The following PRKCZ variants were observed in gnomAD, a reference collection of about 807,000 sequenced individuals.
The protein encoded by PRKCZ is protein kinase C zeta type.
Under a neutral mutation model 79.5 loss-of-function variants are expected in PRKCZ, and 33 were observed. That is an observed-to-expected ratio of 0.41 (90% CI 0.31 to 0.55). The LOEUF (loss-of-function observed/expected upper bound fraction) is 0.55, where lower values mean the gene tolerates loss of function less well. PRKCZ is among the 20% of genes least tolerant of loss of function. PRKCZ has a pLI of 0.19. For synonymous variants in PRKCZ, 342 were observed against 320.9 expected, an observed-to-expected ratio of 1.07 and a Z score of -0.70; for missense variants, 578 against 813.5, an observed-to-expected ratio of 0.71 and a Z score of 3.52.
At chr1:2,053,716 G>A (rs1659902703) in intron 1 of PRKCZ, among the ~76,000 whole-genome samples, 1 of 152,194 alleles carries the variant, frequency 6.6e-6, no homozygotes, top group South Asian at 2.1e-4. Flanking sequence ...AGAGGTCAAA[G>A]GTGAAGTGAT....
chr1:2,050,602 A>G lies in PRKCZ; in HGVS notation c.-29A>G, dbSNP rs1050348938. 4 of 1,210,100 alleles carry G rather than the reference A, an allele frequency of 3.3e-6. No individual in the cohort carries two copies. Among genetic ancestry groups the G allele is most frequent in the Non-Finnish European group, 4.1e-6 (4 of 971,520 alleles). The allele number at this position is 1,210,100 out of a possible 1,614,324, so 75.0% of individuals were successfully genotyped here. ...GCCATGGCCGGAGCTCCCGGGGCGC[A>G]GCGCTGACGGCGGCGGGGGGAGCGC... On this transcript the variant is annotated 5_prime_UTR_variant, in exon 1 of 18. Transcript: ENST00000378567.
chr1:2,124,909 G>A (rs1013099092), intron 4 of PRKCZ, among the ~76,000 whole-genome samples: 59 of 152,150 alleles, frequency 3.9e-4, no homozygotes, highest in Admixed American at 3.7e-3. Context: ...TCGATTGTTC[G>A]TGGGAGGAGG....
At chr1:2,100,313 G>A (rs1667222799) in intron 4 of PRKCZ, among the ~76,000 whole-genome samples, 1 of 152,250 alleles carries the variant, frequency 6.6e-6, no homozygotes, top group African/African-American at 2.4e-5. Context: ...CTTGGAGGCA[G>A]CGTCTTCACC....
Position 2,050,641 on chromosome 1 carries a change from G to A in PRKCZ, c.11G>A (p.Arg4Lys), listed in dbSNP as rs1659551601. The A allele has an allele frequency of 1.6e-6, 2 of 1,226,554 alleles. No homozygotes were observed. Among genetic ancestry groups the A allele is most frequent in the African/African-American group, 3.1e-5 (2 of 64,114 alleles). 76.0% of individuals were successfully genotyped at this position (1,226,554 alleles called of 1,614,324 possible). A position where few individuals can be genotyped will look rare whatever the true frequency, so the allele number is the denominator to read the frequency against. Reference protein sequence around the residue: MPSRTGPKMEGSGG... With the variant: MPSKTGPKMEGSGG... ...CGGGGGGAGCGCGCCATGCCCAGCAGGACCGGCCCCAAGATGGAAGGGAGC... is the reference window on the plus strand; with the variant it reads ...CGGGGGGAGCGCGCCATGCCCAGCAAGACCGGCCCCAAGATGGAAGGGAGC... Residue 4 changes from arginine (R) to lysine (K), a missense_variant, in exon 1 of 18, where the codon AGG (arginine) becomes AAG (lysine). Coordinates refer to ENST00000378567, the MANE Select transcript of PRKCZ (RefSeq NM_002744.6).
Position 2,178,999 on chromosome 1 carries a change from A to G in PRKCZ, c.1575+3686A>G, listed in dbSNP as rs769848797. On this transcript the variant is annotated intron_variant, in intron 16 of 17. Coordinates refer to ENST00000378567, the MANE Select transcript of PRKCZ (RefSeq NM_002744.6). This position sits in a 1 kb window ranked among gnomAD's most constrained non-coding sequence, Gnocchi z 4.3. ...AGGCAGTCGCCGCCACTGGGGTGTGACTCTGGGGCCCGGCACCGGGTCCCC... is the reference window on the plus strand; with the variant it reads ...AGGCAGTCGCCGCCACTGGGGTGTGGCTCTGGGGCCCGGCACCGGGTCCCC... Among the ~76,000 whole-genome samples the G allele has an allele frequency of 3.9e-5, 6 of 151,986 alleles. No homozygotes were observed. Among genetic ancestry groups the G allele is most frequent in the Non-Finnish European group, 2.9e-5 (2 of 67,964 alleles).
intron 16 of PRKCZ, among the ~76,000 whole-genome samples, chr1:2,176,131 C>T (rs1441295133): frequency 6.6e-6 from 1 of 152,112 alleles, no homozygotes; most frequent in South Asian, 2.1e-4. Flanking sequence ...AGGGTGCATT[C>T]GGTAGAAACT....
At chr1:2,089,567 G>A (rs915007560) in intron 4 of PRKCZ, among the ~76,000 whole-genome samples, 1 of 152,184 alleles carries the variant, frequency 6.6e-6, no homozygotes, top group East Asian at 1.9e-4. Flanking sequence ...TTCTTCACGT[G>A]ATAAAGGGGA....
chr1:2,136,369 G>A (rs2103038109), intron 5 of PRKCZ, among the ~76,000 whole-genome samples: 1 of 152,318 alleles, frequency 6.6e-6, no homozygotes, highest in Middle Eastern at 3.4e-3. Context: ...GAAGAGGGGT[G>A]TGGTGGGAAC....
intron 4 of PRKCZ, among the ~76,000 whole-genome samples, chr1:2,069,736 T>C (rs1015948561): frequency 6.6e-6 from 1 of 152,162 alleles, no homozygotes; most frequent in Non-Finnish European, 1.5e-5. Flanking sequence ...GGCTTCCTGT[T>C]TCTAGATGGC....
At chr1:2,088,531 C>T (rs1489969402) in intron 4 of PRKCZ, among the ~76,000 whole-genome samples, 3 of 152,250 alleles carry the variant, frequency 2.0e-5, no homozygotes, top group African/African-American at 7.2e-5. Context: ...TGCCGCGTGA[C>T]TCAGCCTCTC....
At chr1:2,070,032 C>G (rs1237410371) in intron 4 of PRKCZ, among the ~76,000 whole-genome samples, 1 of 152,214 alleles carries the variant, frequency 6.6e-6, no homozygotes, top group Non-Finnish European at 1.5e-5. Context: ...GGATGGTCAG[C>G]TGGACCAGGC....
intron 16 of PRKCZ, among the ~76,000 whole-genome samples, chr1:2,179,991 G>A (rs1469169032): frequency 6.6e-6 from 1 of 152,210 alleles, no homozygotes; most frequent in African/African-American, 2.4e-5. Context: ...CAGGAGGGAG[G>A]CGGTTATGGG....
At chr1:2,130,886 A>G (rs1333594906) in intron 4 of PRKCZ, among the ~76,000 whole-genome samples, 4 of 152,144 alleles carry the variant, frequency 2.6e-5, no homozygotes, top group African/African-American at 9.6e-5. Flanking sequence ...CTTGGCATCC[A>G]CGCATATCCC....
intron 4 of PRKCZ, among the ~76,000 whole-genome samples, chr1:2,108,546 C>T (rs1258580485): frequency 1.3e-5 from 2 of 152,246 alleles, no homozygotes; most frequent in Non-Finnish European, 2.9e-5. Context: ...CCTCGCGCGG[C>T]CATGTGCGTG....
intron 4 of PRKCZ, among the ~76,000 whole-genome samples, chr1:2,111,032 G>T (rs1669645253): frequency 6.6e-6 from 1 of 152,182 alleles, no homozygotes; most frequent in Non-Finnish European, 1.5e-5. Flanking sequence ...CGGGACCCAG[G>T]CCAGTTCACA....
chr1:2,066,346 G>A (rs1295756362), intron 4 of PRKCZ, among the ~76,000 whole-genome samples: 1 of 151,682 alleles, frequency 6.6e-6, no homozygotes, highest in East Asian at 2.0e-4. Flanking sequence ...TTTGTTGGGA[G>A]GTTCTCTTTC....
chr1:2,061,538 G>A (rs17777295), intron 4 of PRKCZ, among the ~76,000 whole-genome samples: 1 of 152,074 alleles, frequency 6.6e-6, no homozygotes, highest in Admixed American at 6.5e-5. Context: ...CCTGGGACAC[G>A]TGAGTAGGTC....
rs188927013 is a variant in PRKCZ, at chr1:2,093,270, G to A, written c.334+33679G>A. On this transcript the variant is annotated intron_variant, in intron 4 of 17. Coordinates refer to ENST00000378567, the MANE Select transcript of PRKCZ (RefSeq NM_002744.6). ...TCAGGTGTGGAGTGTGGGCCCGCTGGCCTCGCTGCTTCCTGCGCCCTGTTT... is the reference window on the plus strand; with the variant it reads ...TCAGGTGTGGAGTGTGGGCCCGCTGACCTCGCTGCTTCCTGCGCCCTGTTT... Among the ~76,000 whole-genome samples, 11 of 152,246 alleles carry A rather than the reference G, an allele frequency of 7.2e-5. No homozygotes were observed. The East Asian group carries it at 2.1e-3, about 29-fold the overall frequency.
chr1:2,060,922 G>A (rs1017362805), intron 4 of PRKCZ, among the ~76,000 whole-genome samples: 1 of 152,214 alleles, frequency 6.6e-6, no homozygotes, highest in African/African-American at 2.4e-5. Context: ...CTCCCTCTGG[G>A]TGCCCACGCC....
Sources: gnomAD v4.1 joint callset for allele counts (sites outside exome capture counted in the v4.1 genomes callset) on GRCh38, gnomAD v4.1.1 for gene constraint, Gnocchi (gnomAD v3.1) non-coding constraint, MANE v1.5 for transcripts, NCBI Gene and HGNC (gene_info 2026-07-23, HGNC 2026-07-21) for gene names.